Variants in EDIL3 observed in about 807,000 individuals in gnomAD.
EDIL3 encodes EGF like and discoidin domains 3.
A neutral mutation model predicts 67.4 loss-of-function variants in EDIL3; 37 were observed. The observed-to-expected ratio is 0.55, with a 90% CI of 0.42 to 0.72. The LOEUF (loss-of-function observed/expected upper bound fraction) is 0.72, where lower values mean the gene tolerates loss of function less well. Ranked by LOEUF, EDIL3 falls within the 30% of genes least tolerant of loss-of-function variation. The pLI is 0.00. For missense variants in EDIL3, 527 were observed against 586.3 expected (o/e 0.90, Z 1.04); for synonymous variants, 195 against 196.3 (o/e 0.99, Z 0.05).
At chr5:84,012,173 G>A (rs570949521) in intron 9 of EDIL3, among the ~76,000 whole-genome samples, 1 of 152,300 alleles carries the variant, frequency 6.6e-6, no homozygotes, top group East Asian at 1.9e-4. Flanking sequence ...CATGATAGAT[G>A]GTGAAAAGAA....
chr5:84,265,433 T>C (rs1471434643), intron 1 of EDIL3, among the ~76,000 whole-genome samples: 2 of 152,226 alleles, frequency 1.3e-5, no homozygotes, highest in Non-Finnish European at 2.9e-5. Context: ...AGTGGTACTC[T>C]TTCAACTGAA....
At chr5:84,050,285 A>T (rs1746309025) in intron 9 of EDIL3, among the ~76,000 whole-genome samples, 1 of 152,144 alleles carries the variant, frequency 6.6e-6, no homozygotes, top group Admixed American at 6.5e-5. Flanking sequence ...TGAGTAGATG[A>T]AACATTAGAG....
At chr5:84,311,568 A>ATT (rs577144200) in intron 1 of EDIL3, among the ~76,000 whole-genome samples, 3 of 142,732 alleles carry the variant, frequency 2.1e-5, no homozygotes, top group African/African-American at 7.7e-5. Context: ...TTTTTTTTTT[A>ATT]TTTTTTTTTT....
intron 1 of EDIL3, among the ~76,000 whole-genome samples, chr5:84,323,272 TAAAC>T (rs899614794): frequency 6.6e-6 from 1 of 151,976 alleles, no homozygotes; most frequent in Non-Finnish European, 1.5e-5. Flanking sequence ...TTTTGTGACA[TAAAC>T]AACTAAAGTG....
chr5:84,024,874 A>C (rs1489366247), intron 9 of EDIL3, among the ~76,000 whole-genome samples: 1 of 152,076 alleles, frequency 6.6e-6, no homozygotes, highest in African/African-American at 2.4e-5. Context: ...CAATATTCCA[A>C]GATGACTGAC....
chr5:84,226,958 T>C lies in EDIL3; in HGVS notation c.226+2897A>G, dbSNP rs3776892. 7.4e-4 allele frequency among the ~76,000 whole-genome samples: 113 copies of C among 152,070 alleles called. 1 individual carries two copies. In the East Asian group the frequency reaches 0.021, roughly 29 times the overall value. ...ATTTAGAATAAGAAAAGTACACAAG[T>C]AGCTATATTATACTTAAATATAGCA... is the stretch of plus-strand genomic sequence containing the variant. On this transcript the variant is annotated intron_variant, in intron 3 of 10. Coordinates refer to ENST00000296591, the MANE Select transcript of EDIL3 (RefSeq NM_005711.5).
chr5:84,030,988 G>A (rs1745910800), intron 9 of EDIL3, among the ~76,000 whole-genome samples: 1 of 152,084 alleles, frequency 6.6e-6, no homozygotes, highest in Non-Finnish European at 1.5e-5. Flanking sequence ...TGTTGCCAAG[G>A]TTGGTTTCTT....
intron 1 of EDIL3, among the ~76,000 whole-genome samples, chr5:84,329,309 GTTTCCAT>G (rs1381415009): frequency 6.6e-6 from 1 of 152,008 alleles, no homozygotes; most frequent in Non-Finnish European, 1.5e-5. Flanking sequence ...AAGTTTGACA[GTTTCCAT>G]TAAATGTGTG....
chr5:83,986,239 T>G (rs1745055757), intron 9 of EDIL3, among the ~76,000 whole-genome samples: 1 of 152,128 alleles, frequency 6.6e-6, no homozygotes, highest in South Asian at 2.1e-4. Context: ...CTTGCAAAAT[T>G]TCTTAAACTC....
intron 9 of EDIL3, among the ~76,000 whole-genome samples, chr5:84,016,546 G>A (rs1019585129): frequency 1.3e-5 from 2 of 152,102 alleles, no homozygotes; most frequent in Non-Finnish European, 2.9e-5. Flanking sequence ...AACTTTTTGA[G>A]TGCTGATATG....
At chr5:84,051,024 G>T (rs1405989733) in intron 9 of EDIL3, among the ~76,000 whole-genome samples, 1 of 152,318 alleles carries the variant, frequency 6.6e-6, no homozygotes, top group East Asian at 1.9e-4. Context: ...CCTCAAGTGG[G>T]TTGCTGACCC....
intron 3 of EDIL3, among the ~76,000 whole-genome samples, chr5:84,199,000 T>C (rs1743776221): frequency 6.6e-6 from 1 of 152,084 alleles, no homozygotes; most frequent in Non-Finnish European, 1.5e-5. Flanking sequence ...CTTTAATTGA[T>C]TTTGCTTCTG....
At chr5:84,249,586 T>G (rs1043660764) in intron 2 of EDIL3, among the ~76,000 whole-genome samples, 1 of 152,184 alleles carries the variant, frequency 6.6e-6, no homozygotes, top group African/African-American at 2.4e-5. Flanking sequence ...AATAAATATT[T>G]GTTTGAAAAT....
intron 9 of EDIL3, among the ~76,000 whole-genome samples, chr5:84,019,481 C>T (rs1328397106): frequency 2.0e-5 from 3 of 152,142 alleles, no homozygotes; most frequent in Admixed American, 6.6e-5. Context: ...CAACATGGCA[C>T]ATGTATACAT....
intron 4 of EDIL3, among the ~76,000 whole-genome samples, chr5:84,170,631 TAAGAG>T (rs1297835132): frequency 6.6e-6 from 1 of 152,168 alleles, no homozygotes; most frequent in Non-Finnish European, 1.5e-5. Flanking sequence ...AGATGATAAC[TAAGAG>T]CAACAGTAAT....
In EDIL3 at chr5:84,384,873, G is replaced by A. The variant is rs1005094038; in HGVS notation, c.-499C>T. 3 of 152,352 alleles carry A rather than the reference G, an allele frequency of 2.0e-5. No homozygotes were observed. Among genetic ancestry groups the A allele is most frequent in the African/African-American group, 7.2e-5 (3 of 41,444 alleles). 9.4% of individuals were successfully genotyped at this position (152,352 alleles called of 1,614,324 possible). Reference sequence around the variant, plus strand: ...CGCACTGTGTACAAACAGAGGCGGCGTGCGTGTGAGTCTGAGCCTGGCAGG... The same window carrying A: ...CGCACTGTGTACAAACAGAGGCGGCATGCGTGTGAGTCTGAGCCTGGCAGG... On this transcript the variant is annotated 5_prime_UTR_variant, in exon 1 of 11. In the 5' UTR this introduces an upstream ATG that the reference lacks. Coordinates refer to ENST00000296591, the MANE Select transcript of EDIL3 (RefSeq NM_005711.5).
intron 9 of EDIL3, among the ~76,000 whole-genome samples, chr5:84,003,936 T>G (rs1387688215): frequency 1.3e-5 from 2 of 150,714 alleles, no homozygotes; most frequent in Non-Finnish European, 2.9e-5. Flanking sequence ...CCATCTCACA[T>G]GCAATGAGAG....
chr5:84,163,757 A>G (rs1413082552), intron 4 of EDIL3, among the ~76,000 whole-genome samples: 1 of 152,138 alleles, frequency 6.6e-6, no homozygotes, highest in Non-Finnish European at 1.5e-5. Flanking sequence ...AAAACAAAAC[A>G]CATGTATAAA....
intron 1 of EDIL3, among the ~76,000 whole-genome samples, chr5:84,322,285 A>T (rs886571840): frequency 2.0e-5 from 3 of 151,996 alleles, no homozygotes; most frequent in African/African-American, 4.8e-5. Context: ...GACTAAGACA[A>T]CTGCCTCAAA....
Sources: gnomAD v4.1 joint callset for allele counts (sites outside exome capture counted in the v4.1 genomes callset) on GRCh38, gnomAD v4.1.1 for gene constraint, MANE v1.5 for transcripts, NCBI Gene and HGNC (gene_info 2026-07-23, HGNC 2026-07-21) for gene names.